The following PDE1A variants were observed in gnomAD, a reference collection of about 807,000 sequenced individuals.
The protein encoded by PDE1A is dual specificity calcium/calmodulin-dependent 3',5'-cyclic nucleotide phosphodiesterase 1A.
PDE1A carries 35 observed loss-of-function variants against 61.7 expected under a neutral mutation model. The ratio of observed to expected loss-of-function variants is 0.57; its 90% CI spans 0.43 to 0.75. The LOEUF is 0.75. PDE1A is among the 30% of genes least tolerant of loss of function. PDE1A has a pLI of 0.00. For synonymous variants in PDE1A, 232 were observed against 213.2 expected, an observed-to-expected ratio of 1.09 and a Z score of -0.77; for missense variants, 597 against 630.6, an observed-to-expected ratio of 0.95 and a Z score of 0.57.
At chr2:182,591,535 C>T in the PDE1A span, among the ~76,000 whole-genome samples, 3,726 of 152,158 alleles carry the variant, frequency 0.024, 64 homozygotes, top group Middle Eastern at 0.044. Context: ...GTCTAGGCTA[C>T]GATTTCTCAA....
At chr2:182,433,230 C>T (rs1704044773) in intron 2 of PDE1A, among the ~76,000 whole-genome samples, 1 of 152,080 alleles carries the variant, frequency 6.6e-6, no homozygotes, top group Non-Finnish European at 1.5e-5. Context: ...TTTACTCTGT[C>T]ATAGCTAACT....
chr2:182,664,218 TG>T, the PDE1A span, among the ~76,000 whole-genome samples: 4 of 152,186 alleles, frequency 2.6e-5, no homozygotes, highest in Admixed American at 2.0e-4. Context: ...GAGAACAATT[TG>T]AGAACATCTG....
chr2:182,461,236 C>T (rs1314443192), intron 2 of PDE1A, among the ~76,000 whole-genome samples: 1 of 152,074 alleles, frequency 6.6e-6, no homozygotes, highest in Non-Finnish European at 1.5e-5. Flanking sequence ...TAAAGTTCAA[C>T]CACTTCCACT....
the PDE1A span, among the ~76,000 whole-genome samples, chr2:182,604,748 T>C: frequency 6.6e-6 from 1 of 152,212 alleles, no homozygotes; most frequent in South Asian, 2.1e-4. Flanking sequence ...CTGGTAAGAA[T>C]TCACAGCATT....
chr2:182,675,744 A>T, the PDE1A span, among the ~76,000 whole-genome samples: 4 of 152,112 alleles, frequency 2.6e-5, no homozygotes, highest in African/African-American at 9.7e-5. Context: ...TGTTGATCAC[A>T]TGCATGTCTT....
At chr2:182,704,356 A>G in the PDE1A span, among the ~76,000 whole-genome samples, 1 of 152,186 alleles carries the variant, frequency 6.6e-6, no homozygotes, top group East Asian at 1.9e-4. Flanking sequence ...TGAAATTCAG[A>G]ATTCAAGGTA....
At chr2:182,667,562 G>A in the PDE1A span, among the ~76,000 whole-genome samples, 1 of 152,200 alleles carries the variant, frequency 6.6e-6, no homozygotes, top group African/African-American at 2.4e-5. Flanking sequence ...GTTGAGGGTA[G>A]AGGGACACAG....
At chr2:182,188,552 CA>C (rs752478250) in intron 11 of PDE1A, among the ~76,000 whole-genome samples, 2 of 152,104 alleles carry the variant, frequency 1.3e-5, no homozygotes, top group Non-Finnish European at 2.9e-5. Flanking sequence ...CACATCATGA[CA>C]GAATATTTTT....
At chr2:182,405,892 C>T (rs1365755032) in intron 1 of PDE1A, among the ~76,000 whole-genome samples, 3 of 151,854 alleles carry the variant, frequency 2.0e-5, no homozygotes, top group Non-Finnish European at 4.4e-5. Flanking sequence ...ATGCAATTAT[C>T]ATTTGTCAAC....
intron 6 of PDE1A, among the ~76,000 whole-genome samples, chr2:182,229,288 G>T (rs1240134446): frequency 6.6e-6 from 1 of 152,046 alleles, no homozygotes; most frequent in African/African-American, 2.4e-5. Context: ...CACGATTAAA[G>T]CAGGTGCTAG....
chr2:182,692,135 A>C, the PDE1A span, among the ~76,000 whole-genome samples: 2 of 152,192 alleles, frequency 1.3e-5, no homozygotes, highest in African/African-American at 4.8e-5. Context: ...GGGGATCTAG[A>C]ACTAGACATA....
intron 1 of PDE1A, among the ~76,000 whole-genome samples, chr2:182,380,104 C>CTTTTTTTTTTT (rs1559396466): frequency 7.6e-6 from 1 of 131,944 alleles, no homozygotes; most frequent in Non-Finnish European, 1.6e-5. Flanking sequence ...GACCCAGCTC[C>CTTTTTTTTTTT]TCTTTTTTTT....
chr2:182,253,492 G>A (rs1441635053), intron 2 of PDE1A, among the ~76,000 whole-genome samples: 1 of 152,140 alleles, frequency 6.6e-6, no homozygotes, highest in Non-Finnish European at 1.5e-5. Flanking sequence ...ACACCACCCA[G>A]AAGCATGACA....
At chr2:182,577,120 T>C in the PDE1A span, among the ~76,000 whole-genome samples, 1 of 152,316 alleles carries the variant, frequency 6.6e-6, no homozygotes, top group African/African-American at 2.4e-5. Flanking sequence ...TGCTACTTGA[T>C]TTACTTTTCA....
At chr2:182,487,793 T>C (rs1574778288) in intron 2 of PDE1A, among the ~76,000 whole-genome samples, 1 of 152,318 alleles carries the variant, frequency 6.6e-6, no homozygotes, top group East Asian at 1.9e-4. Context: ...ATGTAAATTA[T>C]GCCTTAACAA....
chr2:182,384,340 CA>C (rs1263924237), intron 1 of PDE1A, among the ~76,000 whole-genome samples: 1 of 151,012 alleles, frequency 6.6e-6, no homozygotes, highest in South Asian at 2.1e-4. Context: ...AACCACCTGA[CA>C]AAAAAAATTC....
chr2:182,569,858 A>G, the PDE1A span, among the ~76,000 whole-genome samples: 1 of 152,208 alleles, frequency 6.6e-6, no homozygotes, highest in African/African-American at 2.4e-5. Context: ...TACTACTCTT[A>G]CTGAAGTTCT....
chr2:182,647,891 G>A, the PDE1A span, among the ~76,000 whole-genome samples: 3 of 151,494 alleles, frequency 2.0e-5, no homozygotes, highest in African/African-American at 7.3e-5. Context: ...GACAAAAAAG[G>A]GAGAGAAAGA....
At chr2:182,639,645 G>A in the PDE1A span, among the ~76,000 whole-genome samples, 2 of 151,916 alleles carry the variant, frequency 1.3e-5, no homozygotes, top group African/African-American at 4.8e-5. Context: ...GAAAAATACA[G>A]TAAGAGATAT....
Sources: allele counts gnomAD v4.1 joint callset (sites outside exome capture counted in the v4.1 genomes callset), GRCh38; gene constraint gnomAD v4.1.1; transcripts MANE v1.5; gene names NCBI Gene and HGNC (gene_info 2026-07-23, HGNC 2026-07-21).